The following LANCL1 variants were observed in gnomAD, a reference collection of about 807,000 sequenced individuals.
LANCL1 encodes the protein glutathione S-transferase LANCL1.
In LANCL1, 50 loss-of-function variants were observed where a neutral mutation model predicts 50.6. The observed-to-expected ratio is 0.99, with a 90% CI of 0.79 to 1.25. The LOEUF (loss-of-function observed/expected upper bound fraction) is 1.25, where lower values mean the gene tolerates loss of function less well. Ranked by LOEUF, LANCL1 falls within the 50% of genes most tolerant of loss-of-function variation. The pLI is 0.00. For missense variants in LANCL1, 532 were observed against 480.7 expected, an observed-to-expected ratio of 1.11 and a Z score of -1.00; for synonymous variants, 188 against 178.6, an observed-to-expected ratio of 1.05 and a Z score of -0.42.
intron 4 of LANCL1, among the ~76,000 whole-genome samples, chr2:210,444,359 G>C (rs889016223): frequency 6.6e-6 from 1 of 152,140 alleles, no homozygotes; most frequent in African/African-American, 2.4e-5. Flanking sequence ...ACTTCCACAC[G>C]CTTGTGGTGA....
intron 3 of LANCL1, among the ~76,000 whole-genome samples, chr2:210,462,726 G>C (rs1312465899): frequency 2.0e-5 from 3 of 152,174 alleles, no homozygotes; most frequent in African/African-American, 7.2e-5. Flanking sequence ...GCAAATGCCT[G>C]TAAGTCTTCT....
At chr2:210,474,650 T>A (rs1694306215) in intron 2 of LANCL1, among the ~76,000 whole-genome samples, 1 of 151,694 alleles carries the variant, frequency 6.6e-6, no homozygotes, top group Admixed American at 6.6e-5. Flanking sequence ...CACTTGGGCC[T>A]GGGAGGCAGA....
At position 210,455,286 on chromosome 2, in the gene LANCL1, A is replaced by T; in HGVS notation, c.228T>A (p.Tyr76Ter). Reference protein sequence around the residue: ...AGIAVLYLHLYDVFGDPAYLQ... With the variant: ...AGIAVLYLHL Reference sequence around the variant, plus strand: ...GGTAGGCAGGGTCCCCAAATACATCATAAAGATGTAAGTAAAGCACAGCAA... The same window carrying T: ...GGTAGGCAGGGTCCCCAAATACATCTTAAAGATGTAAGTAAAGCACAGCAA... Residue 76 changes from tyrosine to a stop codon, truncating the protein, a stop_gained, in exon 4 of 10, where the codon TAT becomes TAA. Coordinates refer to ENST00000450366, the MANE Select transcript of LANCL1 (RefSeq NM_006055.3). LOFTEE classifies it high-confidence loss of function. The T allele has an allele frequency of 6.2e-7, 1 of 1,611,284 alleles. No homozygotes were observed. The highest frequency in any genetic ancestry group is 8.5e-7 in the Non-Finnish European group (1 of 1,178,984).
chr2:210,435,145 G>A (rs2370956), intron 9 of LANCL1, among the ~76,000 whole-genome samples: 92,968 of 151,882 alleles, frequency 0.61, 29,071 homozygotes, highest in East Asian at 0.84. Flanking sequence ...TTATGAGGGC[G>A]TCTGCAAAAT....
intron 6 of LANCL1, among the ~76,000 whole-genome samples, chr2:210,438,430 C>T (rs553436065): frequency 1.3e-5 from 2 of 152,082 alleles, no homozygotes; most frequent in Non-Finnish European, 2.9e-5. Flanking sequence ...CCACTGTGCT[C>T]GGCATTTTGT....
chr2:210,469,271 A>G (rs1694155675), intron 3 of LANCL1: 1 of 152,188 alleles, frequency 6.6e-6, no homozygotes, highest in African/African-American at 2.4e-5. Context: ...GCTATAACAT[A>G]ATGGGAGGAG....
intron 1 of LANCL1, 34 bp from the exon 2 acceptor site, chr2:210,476,446 A>G: frequency 6.3e-7 from 1 of 1,584,904 alleles, no homozygotes; most frequent in Non-Finnish European, 8.6e-7. Flanking sequence ...AACTAGGTTG[A>G]GATAGGGGCC....
Position 210,436,309 on chromosome 2 carries a change from A to G in LANCL1, c.957T>C (p.Tyr319=). 6.2e-7 allele frequency: 1 copy of G among 1,614,118 alleles called. No individual in the cohort carries two copies. Among genetic ancestry groups the G allele is most frequent in the Non-Finnish European group, 8.5e-7 (1 of 1,179,994 alleles). Residue 319 remains tyrosine, a synonymous_variant, in exon 8 of 10, where the codon TAT becomes TAC. Transcript: ENST00000450366. ...TCCCTGCAGAACCGTGGCACAGCCCATATCCCTTCTTCAGCAACCCATATT... is the reference window on the plus strand; with the variant it reads ...TCCCTGCAGAACCGTGGCACAGCCCGTATCCCTTCTTCAGCAACCCATATT... ...IWQYGLLKKG[Y]GLCHGSAGNA... is the part of the protein sequence containing the mutation.
At chr2:210,434,973 G>A (rs556127393) in intron 9 of LANCL1, among the ~76,000 whole-genome samples, 11 of 152,192 alleles carry the variant, frequency 7.2e-5, no homozygotes, top group Non-Finnish European at 1.5e-4. Context: ...GAGATCACTA[G>A]TGAGGTGTTC....
intron 4 of LANCL1, among the ~76,000 whole-genome samples, chr2:210,453,356 G>C (rs1231613303): frequency 6.6e-6 from 1 of 152,116 alleles, no homozygotes; most frequent in Non-Finnish European, 1.5e-5. Context: ...ATGAAGAAGA[G>C]GGTTGTATAG....
In LANCL1 at chr2:210,475,491, G is replaced by A. The variant is rs902120505; in HGVS notation, c.81+825C>T. ...GGACTACAAGCTTTCCACCACACCTGGCTAATTTTTAAAAAAATTTTAGTA... is the reference window on the plus strand; with the variant it reads ...GGACTACAAGCTTTCCACCACACCTAGCTAATTTTTAAAAAAATTTTAGTA... On this transcript the variant is annotated intron_variant, in intron 2 of 9. Transcript: ENST00000450366. Among the ~76,000 whole-genome samples the A allele has an allele frequency of 2.2e-4, 33 of 151,972 alleles. 1 individual carries two copies. The highest frequency in any genetic ancestry group is 8.8e-5 in the Non-Finnish European group (6 of 67,988).
At chr2:210,435,767 T>G (rs1376311598) in intron 8 of LANCL1, among the ~76,000 whole-genome samples, 1 of 152,198 alleles carries the variant, frequency 6.6e-6, no homozygotes, top group African/African-American at 2.4e-5. Context: ...AATGCTAATT[T>G]AATTGAAAGG....
At chr2:210,466,349 A>T (rs2370949) in intron 3 of LANCL1, among the ~76,000 whole-genome samples, 2 of 151,814 alleles carry the variant, frequency 1.3e-5, no homozygotes, top group East Asian at 1.9e-4. Context: ...TATGGAGTAC[A>T]CTGTGGAGAT....
chr2:210,440,777 T>G (rs756051191), intron 5 of LANCL1, 33 bp from the exon 6 acceptor site: 1 of 1,595,178 alleles, frequency 6.3e-7, no homozygotes, highest in Non-Finnish European at 8.5e-7. Flanking sequence ...AATAACAAGT[T>G]AACTGAACAA....
chr2:210,468,195 A>C (rs1694125571), intron 3 of LANCL1: 1 of 151,988 alleles, frequency 6.6e-6, no homozygotes, highest in East Asian at 1.9e-4. Flanking sequence ...AAAAAAAAAA[A>C]ACACAAAACT....
chr2:210,461,080 C>G (rs949608854), intron 3 of LANCL1, among the ~76,000 whole-genome samples: 8 of 152,122 alleles, frequency 5.3e-5, no homozygotes, highest in Admixed American at 5.2e-4. Flanking sequence ...ACCAAGCCTT[C>G]TGGGTGTTGG....
rs915744216 is a variant in LANCL1, at chr2:210,431,411, C to T, written c.*3076G>A. 1 of 152,104 alleles carries T rather than the reference C, an allele frequency of 6.6e-6. No individual in the cohort carries two copies. Among genetic ancestry groups the T allele is most frequent in the Admixed American group, 6.6e-5 (1 of 15,248 alleles). The allele number at this position is 152,104 out of a possible 1,614,324, so 9.4% of individuals were successfully genotyped here. On this transcript the variant is annotated 3_prime_UTR_variant, in exon 10 of 10. Coordinates refer to ENST00000450366, the MANE Select transcript of LANCL1 (RefSeq NM_006055.3). ...TTGCTTTATAATTAGAGAAACAGTT[C>T]GTCTACAGCTCAATAGTAGAGAAAA...
At chr2:210,462,618 T>C (rs1009314431) in intron 3 of LANCL1, among the ~76,000 whole-genome samples, 9 of 152,222 alleles carry the variant, frequency 5.9e-5, no homozygotes, top group African/African-American at 1.9e-4. Context: ...CAATTAATTT[T>C]CTATCCTGAA....
In LANCL1 at chr2:210,431,586, TA is replaced by T. The variant is rs1692747445; in HGVS notation, c.*2900del. 1.3e-5 allele frequency: 2 copies of T among 152,132 alleles called. No individual in the cohort carries two copies. Among genetic ancestry groups the T allele is most frequent in the Admixed American group, 6.6e-5 (1 of 15,258 alleles). 9.4% of individuals were successfully genotyped at this position (152,132 alleles called of 1,614,324 possible). A position where few individuals can be genotyped will look rare whatever the true frequency, so the allele number is the denominator to read the frequency against. On this transcript the variant is annotated 3_prime_UTR_variant, in exon 10 of 10. Transcript: ENST00000450366. ...CATTTTCTATTTCTAAAGTAGCTAGTAAAAGGCAGGGCATCGTAAGATCAGA... is the reference window on the plus strand; with the variant it reads ...CATTTTCTATTTCTAAAGTAGCTAGTAAAGGCAGGGCATCGTAAGATCAGA...
Sources: gnomAD v4.1 joint callset for allele counts (sites outside exome capture counted in the v4.1 genomes callset) on GRCh38, gnomAD v4.1.1 for gene constraint, MANE v1.5 for transcripts, NCBI Gene and HGNC (gene_info 2026-07-23, HGNC 2026-07-21) for gene names.